The following NRG3 variants were observed in gnomAD, a reference collection of about 807,000 sequenced individuals.
NRG3 encodes the protein neuregulin 3, also known as pro-neuregulin-3, membrane-bound isoform.
In NRG3, 31 loss-of-function variants were observed where a neutral mutation model predicts 66.9. The observed-to-expected ratio is 0.46, with a 90% CI of 0.35 to 0.63. The LOEUF (loss-of-function observed/expected upper bound fraction) is 0.63. Ranked by LOEUF, NRG3 falls within the 20% of genes least tolerant of loss-of-function variation. The pLI is 0.00. For synonymous variants in NRG3, 393 were observed against 359.4 expected (o/e 1.09, Z -1.06); for missense variants, 910 against 878.9 (o/e 1.04, Z -0.45).
chr10:82,076,171 G>T (rs1396219866), intron 1 of NRG3, among the ~76,000 whole-genome samples: 2 of 152,136 alleles, frequency 1.3e-5, no homozygotes, highest in African/African-American at 2.4e-5. Flanking sequence ...ATCAGTCAGA[G>T]CCCTCCTTCA....
chr10:82,097,621 G>T (rs916933644), intron 1 of NRG3, among the ~76,000 whole-genome samples: 1 of 151,490 alleles, frequency 6.6e-6, no homozygotes, highest in African/African-American at 2.4e-5. Flanking sequence ...TTTATCTTAG[G>T]TAAAGACCTA....
chr10:82,521,562 A>C (rs187067036), intron 2 of NRG3, among the ~76,000 whole-genome samples: 27 of 152,072 alleles, frequency 1.8e-4, no homozygotes, highest in East Asian at 5.8e-4. Flanking sequence ...GGATGGTCTC[A>C]ATCTCCTGAC....
chr10:81,889,080 A>G (rs1352990852), intron 1 of NRG3: 1 of 152,194 alleles, frequency 6.6e-6, no homozygotes, highest in East Asian at 1.9e-4. Context: ...TTAACCCAAA[A>G]TAACAGCTTT....
chr10:82,451,355 C>T (rs78188896), intron 2 of NRG3, among the ~76,000 whole-genome samples: 3 of 152,110 alleles, frequency 2.0e-5, no homozygotes, highest in East Asian at 3.9e-4. Flanking sequence ...CAGATTTGAT[C>T]CTAGAAGGCC....
At chr10:82,358,594 A>G (rs1291479386) in intron 1 of NRG3, 145 bp from the exon 2 acceptor site, 1 of 1,040,202 alleles carries the variant, frequency 9.6e-7, no homozygotes, top group Non-Finnish European at 1.4e-6. Context: ...GGTCAGTACC[A>G]AGGAGGGTTG....
chr10:82,907,176 T>G (rs1279386148), intron 4 of NRG3, among the ~76,000 whole-genome samples: 2 of 152,168 alleles, frequency 1.3e-5, no homozygotes, highest in Admixed American at 1.3e-4. Flanking sequence ...CCTCTAGAGA[T>G]TCTTGGACTC....
Position 82,766,154 on chromosome 10 carries a change from T to G in NRG3, c.1027+27504T>G, listed in dbSNP as rs183136519. On this transcript the variant is annotated intron_variant, in intron 3 of 8. Coordinates refer to ENST00000372141, the MANE Select transcript of NRG3 (RefSeq NM_001010848.4). ...AGTTTGCTAAAAGTAGTTATTTTGATACATTTGTTGATATTTTCTTGATAG... is the reference window on the plus strand; with the variant it reads ...AGTTTGCTAAAAGTAGTTATTTTGAGACATTTGTTGATATTTTCTTGATAG... Among the ~76,000 whole-genome samples, 371 of 152,326 alleles carry G rather than the reference T, an allele frequency of 2.4e-3. 2 individuals carry two copies. The highest frequency in any genetic ancestry group is 0.011 in the South Asian group (55 of 4,828).
intron 2 of NRG3, among the ~76,000 whole-genome samples, chr10:82,611,179 A>G (rs1297291554): frequency 1.3e-5 from 2 of 152,086 alleles, no homozygotes; most frequent in Non-Finnish European, 2.9e-5. Context: ...TATCTTAAGT[A>G]GTTATTTATC....
At chr10:82,437,894 C>G (rs376998088) in intron 2 of NRG3, among the ~76,000 whole-genome samples, 5 of 152,224 alleles carry the variant, frequency 3.3e-5, no homozygotes, top group South Asian at 4.2e-4. Context: ...ACTGAAGGAG[C>G]CTGGTGAACA....
intron 1 of NRG3, among the ~76,000 whole-genome samples, chr10:82,168,179 A>G (rs1393451046): frequency 2.0e-5 from 3 of 152,096 alleles, no homozygotes; most frequent in East Asian, 3.9e-4. Context: ...TCTTCTTTCT[A>G]TGGTAGTACC....
intron 4 of NRG3, among the ~76,000 whole-genome samples, chr10:82,946,153 G>C (rs1340137394): frequency 6.6e-6 from 1 of 151,160 alleles, no homozygotes; most frequent in Non-Finnish European, 1.5e-5. Context: ...GGAGCTTACT[G>C]TGCAAGGCTT....
At chr10:82,273,597 C>G (rs2078704812) in intron 1 of NRG3, among the ~76,000 whole-genome samples, 1 of 151,846 alleles carries the variant, frequency 6.6e-6, no homozygotes, top group Non-Finnish European at 1.5e-5. Flanking sequence ...TTTGAAGTCT[C>G]TAACATACAG....
At chr10:82,675,859 C>A (rs754170214) in intron 2 of NRG3, among the ~76,000 whole-genome samples, 37 of 152,238 alleles carry the variant, frequency 2.4e-4, no homozygotes, top group Admixed American at 5.2e-4. Flanking sequence ...TGGGATGTAC[C>A]TTACTTCACT....
chr10:82,454,865 T>C (rs761783606), intron 2 of NRG3, among the ~76,000 whole-genome samples: 12 of 152,202 alleles, frequency 7.9e-5, no homozygotes, highest in Non-Finnish European at 1.6e-4. Context: ...TTAAACTAAA[T>C]TGAGAGGCAA....
In NRG3 at chr10:82,033,858, A is replaced by G. The variant is rs370286673; in HGVS notation, c.823+157695A>G. 3.3e-5 allele frequency among the ~76,000 whole-genome samples: 5 copies of G among 152,122 alleles called. No individual in the cohort carries two copies. The East Asian group carries it at 5.8e-4, about 18-fold the overall frequency. On this transcript the variant is annotated intron_variant, in intron 1 of 8. Coordinates refer to ENST00000372141, the MANE Select transcript of NRG3 (RefSeq NM_001010848.4). ...GAAAAATTCTGTATACCTTGAAACT[A>G]ATTTATATTAGTGAAATACATATTC...
chr10:81,962,511 C>A (rs1170184899), intron 1 of NRG3, among the ~76,000 whole-genome samples: 1 of 152,154 alleles, frequency 6.6e-6, no homozygotes, highest in Non-Finnish European at 1.5e-5. Flanking sequence ...GCTGATAAAT[C>A]CTAGATAGAA....
chr10:82,041,832 C>CTGTG (rs59937019), intron 1 of NRG3, among the ~76,000 whole-genome samples: 9 of 151,662 alleles, frequency 5.9e-5, no homozygotes, highest in South Asian at 2.1e-4. Flanking sequence ...CTCTCTCTGT[C>CTGTG]TATTTCATTA....
At chr10:81,890,648 G>A (rs1213028935) in intron 1 of NRG3, among the ~76,000 whole-genome samples, 1 of 152,178 alleles carries the variant, frequency 6.6e-6, no homozygotes, top group African/African-American at 2.4e-5. Flanking sequence ...TGTCCACAGT[G>A]AATATGTGTG....
At chr10:81,926,407 C>T (rs967623938) in intron 1 of NRG3, among the ~76,000 whole-genome samples, 2 of 152,106 alleles carry the variant, frequency 1.3e-5, no homozygotes, top group African/African-American at 4.8e-5. Flanking sequence ...AGGTGTGAGC[C>T]ACCATGCCCA....
Sources: gnomAD v4.1 joint callset for allele counts (sites outside exome capture counted in the v4.1 genomes callset) on GRCh38, gnomAD v4.1.1 for gene constraint, MANE v1.5 for transcripts, NCBI Gene and HGNC (gene_info 2026-07-23, HGNC 2026-07-21) for gene names.